Variants in THADA observed in about 807,000 individuals in gnomAD.
THADA encodes the protein tRNA (32-2'-O)-methyltransferase regulator THADA.
A neutral mutation model predicts 219.8 loss-of-function variants in THADA; 213 were observed. That is an observed-to-expected ratio of 0.97 (90% CI 0.87 to 1.09). THADA has a LOEUF of 1.09. Among genes scored for constraint, THADA ranks in the 50% least tolerant of loss-of-function variants. The pLI, the probability that THADA is intolerant of heterozygous loss-of-function variation, is 0.00. For missense variants in THADA, 2,956 were observed against 2,311.3 expected (o/e 1.28, Z -5.72); for synonymous variants, 1,018 against 828.9 (o/e 1.23, Z -3.92).
At chr2:43,541,908 A>G (rs751592025) in intron 20 of THADA, among the ~76,000 whole-genome samples, 1 of 152,208 alleles carries the variant, frequency 6.6e-6, no homozygotes, top group Non-Finnish European at 1.5e-5. Flanking sequence ...TCTCTGTCAT[A>G]AAGTATGATA....
At chr2:43,328,429 G>A (rs756566842) in intron 30 of THADA, among the ~76,000 whole-genome samples, 9 of 152,152 alleles carry the variant, frequency 5.9e-5, no homozygotes, top group Non-Finnish European at 1.0e-4. Flanking sequence ...CTTTGTGAGT[G>A]TTTATACTCA....
chr2:43,419,308 A>G (rs1677403826), intron 28 of THADA, among the ~76,000 whole-genome samples: 1 of 152,268 alleles, frequency 6.6e-6, no homozygotes, highest in African/African-American at 2.4e-5. Context: ...CAAGATGAGC[A>G]GTCAAGAGTC....
chr2:43,570,337 A>T, intron 14 of THADA, 51 bp downstream of exon 14: 1 of 1,508,848 alleles, frequency 6.6e-7, no homozygotes, highest in Non-Finnish European at 9.0e-7. Context: ...CTTATTCATA[A>T]TACTTTTTAA....
At chr2:43,447,854 T>G (rs1379962029) in intron 26 of THADA, among the ~76,000 whole-genome samples, 3 of 152,238 alleles carry the variant, frequency 2.0e-5, no homozygotes, top group Non-Finnish European at 4.4e-5. Context: ...CTTTGTACTT[T>G]GGACATACCA....
chr2:43,557,918 C>G (rs1697578616), intron 16 of THADA, among the ~76,000 whole-genome samples: 1 of 151,988 alleles, frequency 6.6e-6, no homozygotes, highest in African/African-American at 2.4e-5. Context: ...AATTCTTTAC[C>G]ATTTGATAAG....
At position 43,574,587 on chromosome 2, in the gene THADA, T is replaced by A. The variant is rs761056362; in HGVS notation, c.1478A>T (p.Tyr493Phe). The A allele has an allele frequency of 8.7e-6, 14 of 1,613,810 alleles. No individual in the cohort carries two copies. In the Admixed American group the frequency reaches 2.3e-4, roughly 27 times the overall value. ...CATGGTTTCCAAGAGGTCACTTGCA[T>A]AAGGTACCAATGACTGGTCTCCCAT... ...EVMGDQSLVP[Y>F]ASDLLETMFR... The change falls in exon 11 of 38, where the codon TAT (tyrosine) becomes TTT (phenylalanine). Residue 493 changes from tyrosine (Y) to phenylalanine (F), a missense_variant. Tyr to Phe is a conservative substitution (Grantham distance 22). Transcript: ENST00000405975.
chr2:43,575,877 G>C (rs961124130), intron 10 of THADA, among the ~76,000 whole-genome samples: 1 of 152,156 alleles, frequency 6.6e-6, no homozygotes, highest in African/African-American at 2.4e-5. Flanking sequence ...AAGTGTTGGA[G>C]ATGGTTGGGG....
At chr2:43,432,416 AGTTT>A (rs1405749476) in intron 26 of THADA, among the ~76,000 whole-genome samples, 1 of 150,790 alleles carries the variant, frequency 6.6e-6, no homozygotes, top group Non-Finnish European at 1.5e-5. Context: ...TGAATCTGTA[AGTTT>A]GTTTATTAAT....
At chr2:43,329,606 T>C (rs536642361) in intron 30 of THADA, among the ~76,000 whole-genome samples, 50 of 152,366 alleles carry the variant, frequency 3.3e-4, no homozygotes, top group Admixed American at 1.5e-3. Context: ...ATAGAAATTA[T>C]CATTCCCATT....
chr2:43,469,685 AC>A (rs202016396), intron 26 of THADA, among the ~76,000 whole-genome samples: 2,112 of 152,256 alleles, frequency 0.014, 41 homozygotes, highest in Middle Eastern at 0.044. Flanking sequence ...ATCCAAAAAA[AC>A]ATGCCTCTCT....
At chr2:43,509,671 T>TA (rs1690146038) in intron 22 of THADA, among the ~76,000 whole-genome samples, 1 of 152,174 alleles carries the variant, frequency 6.6e-6, no homozygotes, top group Non-Finnish European at 1.5e-5. Context: ...TAGTTTGGTG[T>TA]AAAACAGATA....
intron 26 of THADA, among the ~76,000 whole-genome samples, chr2:43,476,616 G>C (rs1685581436): frequency 6.6e-6 from 1 of 152,134 alleles, no homozygotes; most frequent in Non-Finnish European, 1.5e-5. Flanking sequence ...TATTACTGTG[G>C]GGATTAGGAA....
intron 29 of THADA, among the ~76,000 whole-genome samples, chr2:43,346,874 C>G (rs1446488095): frequency 1.3e-5 from 2 of 152,192 alleles, no homozygotes; most frequent in African/African-American, 4.8e-5. Context: ...TTGACCTCCC[C>G]CTCCAACAAG....
intron 37 of THADA, among the ~76,000 whole-genome samples, 172 bp downstream of exon 37, chr2:43,232,541 G>A (rs1462316361): frequency 6.6e-6 from 1 of 152,218 alleles, no homozygotes; most frequent in African/African-American, 2.4e-5. Context: ...CACCCCAGAA[G>A]TCAGCCTAAG....
intron 22 of THADA, among the ~76,000 whole-genome samples, chr2:43,516,122 C>A (rs957389460): frequency 4.6e-5 from 7 of 152,274 alleles, no homozygotes; most frequent in African/African-American, 1.4e-4. Flanking sequence ...TTACTTCCTC[C>A]ACCACTTTCC....
chr2:43,334,453 C>T (rs1434425784), intron 30 of THADA, among the ~76,000 whole-genome samples: 2 of 152,192 alleles, frequency 1.3e-5, no homozygotes, highest in Admixed American at 1.3e-4. Context: ...ACCATCTCTT[C>T]CCCTCATCAG....
intron 36 of THADA, among the ~76,000 whole-genome samples, chr2:43,243,352 G>C (rs567324490): frequency 1.7e-4 from 26 of 152,190 alleles, no homozygotes; most frequent in Non-Finnish European, 3.2e-4. Context: ...GCATTTAGTA[G>C]GTAGGGGCTA....
At chr2:43,413,330 C>G (rs1384849151) in intron 28 of THADA, among the ~76,000 whole-genome samples, 3 of 152,064 alleles carry the variant, frequency 2.0e-5, no homozygotes, top group African/African-American at 7.2e-5. Context: ...CCACCACCAC[C>G]CCCGCCCCAT....
At chr2:43,520,709 TATATACAC>T (rs1558902151) in intron 22 of THADA, among the ~76,000 whole-genome samples, 2 of 126,326 alleles carry the variant, frequency 1.6e-5, no homozygotes, top group South Asian at 2.6e-4. Context: ...TACGTATATA[TATATACAC>T]ACACACACAC....
Sources: gnomAD v4.1 joint callset for allele counts (sites outside exome capture counted in the v4.1 genomes callset) on GRCh38, gnomAD v4.1.1 for gene constraint, MANE v1.5 for transcripts, NCBI Gene and HGNC (gene_info 2026-07-23, HGNC 2026-07-21) for gene names.